The following CSMD1 variants were observed in gnomAD, a reference collection of about 807,000 sequenced individuals.
The protein encoded by CSMD1 is CUB and Sushi multiple domains 1.
CSMD1 carries 213 observed loss-of-function variants against 417.5 expected under a neutral mutation model. That is an observed-to-expected ratio of 0.51 (90% CI 0.46 to 0.57). The LOEUF is 0.57. Among genes scored for constraint, CSMD1 ranks in the 20% least tolerant of loss-of-function variants. The pLI is 0.00. For synonymous variants in CSMD1, 2,862 were observed against 1,736.8 expected, an observed-to-expected ratio of 1.65 and a Z score of -16.11; for missense variants, 6,923 against 4,529.7, an observed-to-expected ratio of 1.53 and a Z score of -15.17.
chr8:3,426,525 T>C (rs968570458), intron 12 of CSMD1, among the ~76,000 whole-genome samples: 2 of 152,234 alleles, frequency 1.3e-5, no homozygotes, highest in Admixed American at 6.5e-5. Flanking sequence ...CCTCCTTCAA[T>C]GTCATCTTAA....
chr8:4,670,616 T>C (rs1424807856), intron 1 of CSMD1, among the ~76,000 whole-genome samples: 1 of 152,210 alleles, frequency 6.6e-6, no homozygotes. Flanking sequence ...ACATGCATTT[T>C]GATAATATCA....
At chr8:3,952,708 G>C (rs2627511) in intron 5 of CSMD1, among the ~76,000 whole-genome samples, 22,563 of 152,176 alleles carry the variant, frequency 0.15, 1,788 homozygotes, top group Middle Eastern at 0.18. Flanking sequence ...GAATACACTA[G>C]ATGTCACTGA....
chr8:4,119,002 A>C (rs1802321085), intron 3 of CSMD1, among the ~76,000 whole-genome samples: 1 of 152,178 alleles, frequency 6.6e-6, no homozygotes. Flanking sequence ...CGGCAAACCA[A>C]ACACCACATG....
chr8:4,335,269 T>C (rs889844714), intron 3 of CSMD1, among the ~76,000 whole-genome samples: 3 of 151,948 alleles, frequency 2.0e-5, no homozygotes, highest in East Asian at 1.9e-4. Context: ...CCTAACCACC[T>C]CCCAAATGCC....
chr8:3,880,937 G>A (rs1017378511), intron 5 of CSMD1, among the ~76,000 whole-genome samples: 5 of 152,084 alleles, frequency 3.3e-5, no homozygotes, highest in African/African-American at 9.7e-5. Context: ...TACATTGGAT[G>A]CAAAATTAGT....
intron 2 of CSMD1, among the ~76,000 whole-genome samples, chr8:4,434,679 G>A (rs1407403421): frequency 6.6e-6 from 1 of 152,134 alleles, no homozygotes; most frequent in Admixed American, 6.6e-5. Flanking sequence ...TTTTTGACTG[G>A]AAAGGAACAA....
chr8:4,911,761 G>C (rs1038980815), intron 1 of CSMD1, among the ~76,000 whole-genome samples: 5 of 151,800 alleles, frequency 3.3e-5, no homozygotes, highest in Non-Finnish European at 5.9e-5. Context: ...TTTCTTCTTG[G>C]GCTTCCAACA....
intron 21 of CSMD1, among the ~76,000 whole-genome samples, chr8:3,348,663 G>T (rs985507383): frequency 7.9e-5 from 12 of 152,270 alleles, no homozygotes; most frequent in South Asian, 4.2e-4. Flanking sequence ...TTATCTTCAG[G>T]ATGTCACATC....
intron 1 of CSMD1, among the ~76,000 whole-genome samples, chr8:4,901,116 T>C (rs889969096): frequency 1.3e-5 from 2 of 152,374 alleles, no homozygotes; most frequent in African/African-American, 4.8e-5. Context: ...CCCTCGTCAG[T>C]ATTACACAGC....
chr8:3,224,655 T>C (rs1563159380), intron 27 of CSMD1, among the ~76,000 whole-genome samples: 1 of 152,212 alleles, frequency 6.6e-6, no homozygotes, highest in Non-Finnish European at 1.5e-5. Context: ...TATATGATAA[T>C]AACAAATTTA....
intron 3 of CSMD1, among the ~76,000 whole-genome samples, chr8:4,325,814 T>A (rs1047420147): frequency 6.6e-6 from 1 of 152,120 alleles, no homozygotes; most frequent in Admixed American, 6.5e-5. Flanking sequence ...CTGATGACCC[T>A]GAGAACGACT....
chr8:4,662,261 A>C (rs1212993290), intron 1 of CSMD1, among the ~76,000 whole-genome samples: 1 of 152,150 alleles, frequency 6.6e-6, no homozygotes, highest in African/African-American at 2.4e-5. Context: ...TTTAATAAAC[A>C]TTTTTATTTT....
At chr8:3,141,314 C>G (rs1187565240) in intron 41 of CSMD1, among the ~76,000 whole-genome samples, 1 of 152,218 alleles carries the variant, frequency 6.6e-6, no homozygotes, top group Non-Finnish European at 1.5e-5. Flanking sequence ...ACCTAACCAA[C>G]TCCATCTTGC....
intron 12 of CSMD1, among the ~76,000 whole-genome samples, chr8:3,414,324 A>G (rs1200295424): frequency 6.6e-6 from 1 of 150,976 alleles, no homozygotes; most frequent in African/African-American, 2.4e-5. Flanking sequence ...TTGTTTAAGG[A>G]TCATTCCGAA....
At chr8:4,335,956 C>G (rs1465894681) in intron 3 of CSMD1, among the ~76,000 whole-genome samples, 1 of 152,070 alleles carries the variant, frequency 6.6e-6, no homozygotes, top group Non-Finnish European at 1.5e-5. Flanking sequence ...CACAGGGAGG[C>G]TCTCACAGAT....
chr8:4,159,167 C>T (rs756344346), intron 3 of CSMD1, among the ~76,000 whole-genome samples: 4 of 152,106 alleles, frequency 2.6e-5, no homozygotes, highest in South Asian at 2.1e-4. Flanking sequence ...CCACCTGTCT[C>T]GGCCTCCCAA....
chr8:3,263,993 A>G (rs2117106935), intron 26 of CSMD1, among the ~76,000 whole-genome samples: 1 of 152,322 alleles, frequency 6.6e-6, no homozygotes, highest in East Asian at 1.9e-4. Context: ...ATGAAACTGA[A>G]AGATCCTTAA....
chr8:4,360,043 A>G (rs1310112571), intron 3 of CSMD1, among the ~76,000 whole-genome samples: 2 of 152,152 alleles, frequency 1.3e-5, no homozygotes, highest in Non-Finnish European at 2.9e-5. Flanking sequence ...CCATCTGAGC[A>G]TACAGTTCCT....
chr8:3,604,550 T>C lies in CSMD1; in HGVS notation c.1097+12160A>G, dbSNP rs534515375. ...GGATACCAACCGAGATATCAGTGTA[T>C]GCATCTGCTCTAACTTTATAAGTAT... On this transcript the variant is annotated intron_variant, in intron 8 of 69. Transcript: ENST00000635120. 3.3e-4 allele frequency among the ~76,000 whole-genome samples: 50 copies of C among 152,130 alleles called. No individual in the cohort carries two copies. In the Middle Eastern group the frequency reaches 0.01, roughly 31 times the overall value.
Sources: allele counts gnomAD v4.1 joint callset (sites outside exome capture counted in the v4.1 genomes callset), GRCh38; gene constraint gnomAD v4.1.1; transcripts MANE v1.5; gene names NCBI Gene and HGNC (gene_info 2026-07-23, HGNC 2026-07-21).